Variants in FKBP9 observed in about 807,000 individuals in gnomAD.
The protein encoded by FKBP9 is FKBP prolyl isomerase 9.
In FKBP9, 27 loss-of-function variants were observed where a neutral mutation model predicts 55.6. The ratio of observed to expected loss-of-function variants is 0.49; its 90% CI spans 0.36 to 0.67. The LOEUF is 0.67. FKBP9 is among the 30% of genes least tolerant of loss of function. FKBP9 has a pLI of 0.00. For synonymous variants in FKBP9, 267 were observed against 296.5 expected (o/e 0.90, Z 1.02); for missense variants, 539 against 742.8 (o/e 0.73, Z 3.19).
At chr7:33,004,686 T>C in intron 9 of FKBP9, among the ~76,000 whole-genome samples, 1 of 152,268 alleles carries the variant, frequency 6.6e-6, no homozygotes, top group Non-Finnish European at 1.5e-5. Context: ...GTAATTTACC[T>C]ATTTTTATGT....
At chr7:32,981,961 C>T (rs1468543606) in intron 5 of FKBP9, among the ~76,000 whole-genome samples, 1 of 151,092 alleles carries the variant, frequency 6.6e-6, no homozygotes, top group African/African-American at 2.4e-5. Context: ...CTCCCTGTCT[C>T]CCCTACCCCT....
rs752649846 is a variant in FKBP9 at position 32,988,652 on chromosome 7, G to T, written c.1039G>T (p.Gly347Trp). Residue 347 changes from glycine (G) to tryptophan (W), a missense_variant and splice_region_variant, in exon 6 of 10, where the codon GGG becomes TGG. Physicochemically the swap from Gly to Trp is radical, Grantham distance 184. This residue lies in a region of FKBP9 where 172 missense variants were observed against 205.3 expected (regional missense o/e 0.84). Transcript: ENST00000242209. ...PHLGYGEEGR[G>W]NIPGSAVLVF... ...CCTGGGGTATGGAGAGGAAGGAAGA[G>T]GTGAGCATCAGCATCACCTGCCTTC... is the stretch of plus-strand genomic sequence containing the variant. 6.2e-7 allele frequency: 1 copy of T among 1,613,824 alleles called. No individual in the cohort carries two copies.
intron 7 of FKBP9, 29 bp from the exon 8 acceptor site, chr7:33,000,086 T>C (rs1435068795): frequency 1.2e-6 from 2 of 1,614,016 alleles, no homozygotes; most frequent in Non-Finnish European, 1.7e-6. Context: ...GTTGGTGACC[T>C]AACATGAGGC....
rs144474439 is a variant in FKBP9, at chr7:32,975,352, G to A, written c.538G>A (p.Gly180Arg). ...CCACTACAACGGGACGTTCCTGGAC[G>A]GAACTCTGTTTGATTCGAGGTAAGT... ...RYHYNGTFLD[G>R]TLFDSSHNRM... Residue 180 changes from glycine to arginine, a missense_variant, in exon 3 of 10, where the codon GGA becomes AGA. Physicochemically the swap from Gly to Arg is moderately radical, Grantham distance 125. This residue lies in a region of FKBP9 where 236 missense variants were observed against 271.5 expected (regional missense o/e 0.87). Transcript: ENST00000242209. The A allele has an allele frequency of 5.0e-6, 8 of 1,613,826 alleles. No individual in the cohort carries two copies. The highest frequency in any genetic ancestry group is 1.7e-5 in the Admixed American group (1 of 60,008).
intron 1 of FKBP9, among the ~76,000 whole-genome samples, chr7:32,965,797 CAAA>C (rs760247071): frequency 0.017 from 654 of 38,520 alleles, 36 homozygotes; most frequent in African/African-American, 0.066. Context: ...GACTCCATGT[CAAA>C]AAAAAAAAAA....
At position 32,996,233 on chromosome 7, in the gene FKBP9, C is replaced by T. The variant is rs1319528284; in HGVS notation, c.1110C>T (p.Ser370=). The T allele has an allele frequency of 1.9e-6, 3 of 1,614,140 alleles. No individual in the cohort carries two copies. The highest frequency in any genetic ancestry group is 2.2e-5 in the South Asian group (2 of 91,084). ...TCGACTTCCACAACCCTTCGGACTC[C>T]ATCAGCATCACCTCCCACTACAAAC... The part of the protein sequence containing the change: ...HVIDFHNPSD[S]ISITSHYKPP... Residue 370 remains serine, a synonymous_variant, in exon 7 of 10, where the codon TCC becomes TCT. Transcript: ENST00000242209.
chr7:32,992,639 T>C (rs542938150), intron 6 of FKBP9: 2 of 186,288 alleles, frequency 1.1e-5, no homozygotes, highest in Non-Finnish European at 2.3e-5. Context: ...CAGAGCAAGA[T>C]AGAGGGATAG....
At chr7:32,975,056 G>A in intron 2 of FKBP9, 126 bp from the exon 3 acceptor site, 1 of 752,260 alleles carries the variant, frequency 1.3e-6, no homozygotes. Context: ...GGTCATTTTG[G>A]GATTGTATAG....
chr7:33,001,254 G>A (rs924029901), intron 8 of FKBP9, among the ~76,000 whole-genome samples: 3 of 152,164 alleles, frequency 2.0e-5, no homozygotes, highest in Non-Finnish European at 2.9e-5. Context: ...AAAAATTGTT[G>A]TATATTCTGG....
rs374533460 is a variant in FKBP9, at chr7:32,957,586, G to C, written c.13G>C (p.Gly5Arg). 9 of 1,471,424 alleles carry C rather than the reference G, an allele frequency of 6.1e-6. No individual in the cohort carries two copies. Among genetic ancestry groups the C allele is most frequent in the Non-Finnish European group, 3.6e-6 (4 of 1,120,568 alleles). The allele number at this position is 1,471,424 out of a possible 1,614,324, so 91.1% of individuals were successfully genotyped here. A position where few individuals can be genotyped will look rare whatever the true frequency, so the allele number is the denominator to read the frequency against. Residue 5 changes from glycine to arginine, a missense_variant, in exon 1 of 10, where the codon GGC becomes CGC. By Grantham distance (125) the Gly-to-Arg change is moderately radical. This residue lies in a region of FKBP9 where 236 missense variants were observed against 271.5 expected (regional missense o/e 0.87). Transcript: ENST00000242209. MAFR[G>R]WRPPPPPLLL... is the part of the protein sequence containing the mutation. ...TCTCGCCGCCCCGATGGCGTTCCGG[G>C]GCTGGAGGCCCCCGCCGCCACCGCT...
chr7:32,958,644 G>A (rs1783954091), intron 1 of FKBP9, among the ~76,000 whole-genome samples: 2 of 152,008 alleles, frequency 1.3e-5, no homozygotes, highest in African/African-American at 4.8e-5. Context: ...CTGGGAGACA[G>A]AGAGAGATCC....
Position 32,975,339 on chromosome 7 carries a change from G to A in FKBP9, c.525G>A (p.Gly175=). Residue 175 remains glycine (G), a synonymous_variant, in exon 3 of 10, where the codon GGG becomes GGA. Transcript: ENST00000242209. ...ATTTTGTGAGGTACCACTACAACGGGACGTTCCTGGACGGAACTCTGTTTG... is the reference window on the plus strand; with the variant it reads ...ATTTTGTGAGGTACCACTACAACGGAACGTTCCTGGACGGAACTCTGTTTG... ...VSDFVRYHYN[G]TFLDGTLFDS... is the part of the protein sequence containing the mutation. The A allele has an allele frequency of 1.9e-6, 3 of 1,613,982 alleles. No homozygotes were observed. Among genetic ancestry groups the A allele is most frequent in the Non-Finnish European group, 2.5e-6 (3 of 1,179,864 alleles).
chr7:32,963,850 G>C lies in FKBP9; in HGVS notation c.221+6056G>C, dbSNP rs1369658383. ...GACAAACTGGACTTTCTCACTTCTAGGTTTCCAGGAAATAATCTGATGGGT... is the reference window on the plus strand; with the variant it reads ...GACAAACTGGACTTTCTCACTTCTACGTTTCCAGGAAATAATCTGATGGGT... On this transcript the variant is annotated intron_variant, in intron 1 of 9. Coordinates refer to ENST00000242209, the MANE Select transcript of FKBP9 (RefSeq NM_007270.5). 9.1e-6 allele frequency: 9 copies of C among 993,150 alleles called. No individual in the cohort carries two copies. The East Asian group carries it at 2.3e-4, about 25-fold the overall frequency. 61.5% of individuals were successfully genotyped at this position (993,150 alleles called of 1,614,324 possible). A position where few individuals can be genotyped will look rare whatever the true frequency, so the allele number is the denominator to read the frequency against.
intron 1 of FKBP9, among the ~76,000 whole-genome samples, chr7:32,960,470 C>T (rs555251367): frequency 1.2e-4 from 19 of 152,206 alleles, no homozygotes; most frequent in African/African-American, 4.1e-4. Flanking sequence ...ATTGTGGTTT[C>T]GATCTGCATT....
intron 1 of FKBP9, 68 bp from the exon 2 acceptor site, chr7:32,974,549 G>A: frequency 7.1e-7 from 1 of 1,410,316 alleles, no homozygotes; most frequent in Non-Finnish European, 9.9e-7. Context: ...ATTTTTACAG[G>A]TTGGTTTTTA....
intron 7 of FKBP9, among the ~76,000 whole-genome samples, chr7:32,999,215 G>C (rs918488154): frequency 1.3e-5 from 2 of 152,036 alleles, no homozygotes; most frequent in African/African-American, 4.8e-5. Flanking sequence ...AGGGGAGGTC[G>C]GGAAGCCTGA....
intron 6 of FKBP9, among the ~76,000 whole-genome samples, chr7:32,993,959 G>A (rs1435923775): frequency 1.3e-5 from 2 of 152,080 alleles, no homozygotes; most frequent in African/African-American, 4.8e-5. Flanking sequence ...CTTTTTGTCT[G>A]TTGTGAATAA....
intron 9 of FKBP9, among the ~76,000 whole-genome samples, chr7:33,004,549 C>G (rs1179750096): frequency 3.3e-5 from 5 of 152,318 alleles, no homozygotes; most frequent in African/African-American, 1.2e-4. Context: ...AGACTTTGCA[C>G]AAATCTTCCC....
Position 32,994,466 on chromosome 7 carries a change from C to T in FKBP9, c.1040-1697C>T, listed in dbSNP as rs572339065. ...TAGATCTGCCTCTGCAGACACCCAC[C>T]CTGTCCATGTGTGTTAGCTTCCCAC... On this transcript the variant is annotated intron_variant, in intron 6 of 9. Coordinates refer to ENST00000242209, the MANE Select transcript of FKBP9 (RefSeq NM_007270.5). Among the ~76,000 whole-genome samples, 1,207 of 152,184 alleles carry T rather than the reference C, an allele frequency of 7.9e-3. 5 individuals carry two copies. Among genetic ancestry groups the T allele is most frequent in the Non-Finnish European group, 0.013 (898 of 68,010 alleles).
Sources: allele counts gnomAD v4.1 joint callset (sites outside exome capture counted in the v4.1 genomes callset), GRCh38; gene constraint gnomAD v4.1.1; regional missense constraint gnomAD v4.1.1; transcripts MANE v1.5; gene names NCBI Gene and HGNC (gene_info 2026-07-23, HGNC 2026-07-21).